The following FHIT variants were observed in gnomAD, a reference collection of about 807,000 sequenced individuals.
FHIT encodes the protein fragile histidine triad diadenosine triphosphatase.
In FHIT, 19 loss-of-function variants were observed where a neutral mutation model predicts 17.9. The ratio of observed to expected loss-of-function variants is 1.06; its 90% CI spans 0.74 to 1.56. FHIT has a LOEUF of 1.56. FHIT is among the 40% of genes most tolerant of loss of function. FHIT has a pLI of 0.00. For missense variants in FHIT, 248 were observed against 189.2 expected, an observed-to-expected ratio of 1.31 and a Z score of -1.82; for synonymous variants, 81 against 69.7, an observed-to-expected ratio of 1.16 and a Z score of -0.81.
intron 2 of FHIT, among the ~76,000 whole-genome samples, chr3:61,101,730 T>A (rs975052377): frequency 2.0e-5 from 3 of 152,334 alleles, no homozygotes; most frequent in East Asian, 1.9e-4. Context: ...TTTATTTTGT[T>A]GAGCAGTGGT....
At chr3:59,984,963 T>C (rs190674799) in intron 7 of FHIT, among the ~76,000 whole-genome samples, 172 of 152,200 alleles carry the variant, frequency 1.1e-3, no homozygotes, top group African/African-American at 4.1e-3. Flanking sequence ...TTGAGGTCTA[T>C]GATCCAGTAA....
intron 5 of FHIT, among the ~76,000 whole-genome samples, chr3:60,212,779 G>T (rs1703515700): frequency 6.6e-6 from 1 of 152,160 alleles, no homozygotes; most frequent in Non-Finnish European, 1.5e-5. Flanking sequence ...AGAAAAACAA[G>T]ATGAAATGGA....
chr3:60,889,617 A>T (rs782541815), intron 3 of FHIT, among the ~76,000 whole-genome samples: 1 of 152,222 alleles, frequency 6.6e-6, no homozygotes, highest in South Asian at 2.1e-4. Context: ...ACTGTAGCTT[A>T]GAAGCTTTCA....
intron 2 of FHIT, among the ~76,000 whole-genome samples, chr3:61,150,187 A>T (rs969889460): frequency 1.3e-5 from 2 of 152,192 alleles, no homozygotes; most frequent in Non-Finnish European, 2.9e-5. Flanking sequence ...CAGCCAAAGA[A>T]CAAGTTACTA....
At chr3:60,441,148 G>C (rs369919284) in intron 5 of FHIT, among the ~76,000 whole-genome samples, 2 of 151,722 alleles carry the variant, frequency 1.3e-5, no homozygotes, top group African/African-American at 4.8e-5. Context: ...AGACAGAAAA[G>C]AATTTAAAAA....
intron 7 of FHIT, among the ~76,000 whole-genome samples, chr3:59,994,277 T>A (rs974135849): frequency 6.6e-6 from 1 of 152,118 alleles, no homozygotes; most frequent in Admixed American, 6.6e-5. Flanking sequence ...AAATAGATGC[T>A]CATTACATTT....
At chr3:61,167,730 A>G (rs2037883938) in intron 2 of FHIT, among the ~76,000 whole-genome samples, 1 of 152,088 alleles carries the variant, frequency 6.6e-6, no homozygotes, top group African/African-American at 2.4e-5. Context: ...AAAAGAAAAA[A>G]GAAAAGAAGG....
chr3:60,055,334 C>T (rs912482317), intron 5 of FHIT, among the ~76,000 whole-genome samples: 1 of 152,016 alleles, frequency 6.6e-6, no homozygotes. Flanking sequence ...AAATGCCTGT[C>T]AAACACTGTC....
intron 8 of FHIT, among the ~76,000 whole-genome samples, chr3:59,919,557 T>A (rs536623198): frequency 8.5e-5 from 13 of 152,326 alleles, no homozygotes; most frequent in South Asian, 2.1e-4. Context: ...CCACCTTTCT[T>A]ATGAACCTTC....
At chr3:59,913,961 C>T (rs1705009181) in intron 8 of FHIT, among the ~76,000 whole-genome samples, 2 of 152,166 alleles carry the variant, frequency 1.3e-5, no homozygotes, top group Non-Finnish European at 2.9e-5. Flanking sequence ...AAGGTCATAA[C>T]AGTCTCCACA....
At chr3:60,345,855 A>C (rs1710749098) in intron 5 of FHIT, among the ~76,000 whole-genome samples, 1 of 152,046 alleles carries the variant, frequency 6.6e-6, no homozygotes, top group South Asian at 2.1e-4. Context: ...CACAGTTACT[A>C]ACATATTTGT....
At chr3:60,206,530 A>G (rs367998558) in intron 5 of FHIT, among the ~76,000 whole-genome samples, 3 of 152,180 alleles carry the variant, frequency 2.0e-5, no homozygotes, top group African/African-American at 7.2e-5. Context: ...ACACAAGACT[A>G]TAAGAATTAA....
intron 5 of FHIT, among the ~76,000 whole-genome samples, chr3:60,074,338 A>AT (rs1363356606): frequency 6.6e-6 from 1 of 151,620 alleles, no homozygotes; most frequent in African/African-American, 2.4e-5. Context: ...TTGGATGGAA[A>AT]TTTTCTCTTG....
At chr3:60,562,729 T>C in intron 4 of FHIT, among the ~76,000 whole-genome samples, 1 of 152,160 alleles carries the variant, frequency 6.6e-6, no homozygotes, top group East Asian at 1.9e-4. Context: ...ACCTGACCCC[T>C]AGGTAATTCA....
intron 5 of FHIT, among the ~76,000 whole-genome samples, chr3:60,293,938 G>A (rs567977961): frequency 6.6e-6 from 1 of 152,058 alleles, no homozygotes; most frequent in African/African-American, 2.4e-5. Context: ...TGCCTCAGGA[G>A]GTGCCATGGA....
intron 5 of FHIT, among the ~76,000 whole-genome samples, chr3:60,359,481 A>C (rs1394130571): frequency 6.6e-6 from 1 of 151,938 alleles, no homozygotes; most frequent in Non-Finnish European, 1.5e-5. Flanking sequence ...GGGTTTCACC[A>C]TGTTGGCCAG....
intron 3 of FHIT, among the ~76,000 whole-genome samples, chr3:60,877,815 C>G (rs1028146892): frequency 3.9e-5 from 6 of 152,010 alleles, no homozygotes; most frequent in Non-Finnish European, 8.8e-5. Context: ...CTGCTAAGAC[C>G]TGCTGTTTCC....
chr3:61,149,014 A>C (rs974923505), intron 2 of FHIT, among the ~76,000 whole-genome samples: 1 of 152,254 alleles, frequency 6.6e-6, no homozygotes, highest in Non-Finnish European at 1.5e-5. Flanking sequence ...AACACTCTCA[A>C]TCTGTTAGTT....
chr3:59,869,371 C>A (rs1438834401), intron 8 of FHIT, among the ~76,000 whole-genome samples: 1 of 151,962 alleles, frequency 6.6e-6, no homozygotes, highest in Non-Finnish European at 1.5e-5. Flanking sequence ...ATACATTTCC[C>A]AATTTAGACT....
Sources: gnomAD v4.1 joint callset for allele counts (sites outside exome capture counted in the v4.1 genomes callset) on GRCh38, gnomAD v4.1.1 for gene constraint, MANE v1.5 for transcripts, NCBI Gene and HGNC (gene_info 2026-07-23, HGNC 2026-07-21) for gene names.